The following CACNA1D variants were observed in gnomAD, a reference collection of about 807,000 sequenced individuals.
CACNA1D encodes the protein calcium voltage-gated channel subunit alpha1 D, also known as voltage-dependent L-type calcium channel subunit alpha-1D.
CACNA1D carries 55 observed loss-of-function variants against 257.1 expected under a neutral mutation model. That is an observed-to-expected ratio of 0.21 (90% confidence interval 0.17 to 0.27). The LOEUF is 0.27. Among genes scored for constraint, CACNA1D ranks in the 10% least tolerant of loss-of-function variants. The probability of loss-of-function intolerance (pLI) is 1.00; values close to 1 mark genes in which losing one functional copy is unlikely to be tolerated. For missense variants in CACNA1D, 1,876 were observed against 2,784.0 expected, an observed-to-expected ratio of 0.67 and a Z score of 7.34; for synonymous variants, 980 against 1,014.9, an observed-to-expected ratio of 0.97 and a Z score of 0.65.
In CACNA1D at chr3:53,723,388, T is replaced by G. The variant is rs554796029; in HGVS notation, c.1667-46T>G. The G allele has an allele frequency of 6.4e-6, 9 of 1,407,684 alleles. No individual in the cohort carries two copies. Among genetic ancestry groups the G allele is most frequent in the Middle Eastern group, 1.8e-4 (1 of 5,666 alleles). The allele number at this position is 1,407,684 out of a possible 1,614,324, so 87.2% of individuals were successfully genotyped here. A position where few individuals can be genotyped will look rare whatever the true frequency, so the allele number is the denominator to read the frequency against. On this transcript the variant is annotated intron_variant, in intron 12 of 47. Coordinates refer to ENST00000350061, the MANE Select transcript of CACNA1D (RefSeq NM_001128840.3). This position sits in a 1 kb window ranked among gnomAD's most constrained non-coding sequence, Gnocchi z 5.6. Reference sequence around the variant, plus strand: ...GTGTGAGGGGCACGAGCAGTCTGAGTGTCTTGCAGGAGACCCTGAGGATGG... The same window carrying G: ...GTGTGAGGGGCACGAGCAGTCTGAGGGTCTTGCAGGAGACCCTGAGGATGG...
At chr3:53,509,319 T>C (rs1031400741) in intron 3 of CACNA1D, among the ~76,000 whole-genome samples, 1 of 151,654 alleles carries the variant, frequency 6.6e-6, no homozygotes, top group Middle Eastern at 3.4e-3. Flanking sequence ...AAGAGAGAGC[T>C]CATGCTCATG....
At chr3:53,532,751 A>G (rs1320538772) in intron 3 of CACNA1D, among the ~76,000 whole-genome samples, 1 of 152,160 alleles carries the variant, frequency 6.6e-6, no homozygotes, top group Non-Finnish European at 1.5e-5. Flanking sequence ...TTGATGAGGT[A>G]GACACTTTTT....
chr3:53,729,573 G>A (rs753291816), intron 15 of CACNA1D, among the ~76,000 whole-genome samples: 2 of 152,214 alleles, frequency 1.3e-5, no homozygotes, highest in East Asian at 3.9e-4. Flanking sequence ...TAAGAAACAG[G>A]CATCTTCTGA....
chr3:53,746,844 G>A (rs376623943), intron 25 of CACNA1D, among the ~76,000 whole-genome samples: 30 of 152,250 alleles, frequency 2.0e-4, no homozygotes, highest in African/African-American at 6.3e-4. Flanking sequence ...CAATTCTTTC[G>A]GAAAGAAAAT....
Position 53,730,546 on chromosome 3 carries a change from A to G in CACNA1D, c.2326A>G (p.Lys776Glu). The G allele has an allele frequency of 6.2e-7, 1 of 1,612,466 alleles. No individual in the cohort carries two copies. The highest frequency in any genetic ancestry group is 1.7e-5 in the Admixed American group (1 of 60,026). ...AGAAGCGGAAGAAAAGGAGAGGAAAAAGATTGCCAGGTAACCCTATTTTCC... is the reference window on the plus strand; with the variant it reads ...AGAAGCGGAAGAAAAGGAGAGGAAAGAGATTGCCAGGTAACCCTATTTTCC... ...KEEAEEKERK[K>E]IARKESLENK... Residue 776 changes from lysine (K) to glutamate (E), a missense_variant, in exon 16 of 48, where the codon AAG becomes GAG. By Grantham distance (56) the Lys-to-Glu change is moderately conservative (BLOSUM62 1). Coordinates refer to ENST00000350061, the MANE Select transcript of CACNA1D (RefSeq NM_001128840.3).
chr3:53,705,703 A>G (rs2094681006), intron 9 of CACNA1D, among the ~76,000 whole-genome samples: 9 of 152,148 alleles, frequency 5.9e-5, no homozygotes. Flanking sequence ...TTGGCTGTGG[A>G]GGCCATGATG....
Position 53,811,379 on chromosome 3 carries a change from T to C in CACNA1D, c.6459T>C (p.Asp2153=). ...GGAGGGATGAGGAGGACCTGGCGGATGAAATGATATGCATCACCACCTTGT... is the reference window on the plus strand; with the variant it reads ...GGAGGGATGAGGAGGACCTGGCGGACGAAATGATATGCATCACCACCTTGT... ...DPGRDEEDLA[D]EMICITTL The change falls in exon 48 of 48, where the codon GAT becomes GAC. Residue 2153 remains aspartate (D), a synonymous_variant. Transcript: ENST00000350061. The surrounding 1 kb of genome is among the most constrained non-coding windows in gnomAD (Gnocchi z 4.2). 6.3e-7 allele frequency: 1 copy of C among 1,578,656 alleles called. No homozygotes were observed. The highest frequency in any genetic ancestry group is 8.6e-7 in the Non-Finnish European group (1 of 1,159,324).
intron 15 of CACNA1D, among the ~76,000 whole-genome samples, chr3:53,727,985 C>A (rs1308695156): frequency 6.6e-6 from 1 of 152,012 alleles, no homozygotes; most frequent in Non-Finnish European, 1.5e-5. Flanking sequence ...CCTTGTAGTC[C>A]CTTGACTCGG....
chr3:53,770,127 C>G, intron 31 of CACNA1D, 110 bp downstream of exon 31: 1 of 930,086 alleles, frequency 1.1e-6, no homozygotes, highest in Non-Finnish European at 1.8e-6. Context: ...CCTTCCAGAA[C>G]AGTGTCTGCA....
At chr3:53,625,927 C>T (rs1576142325) in intron 3 of CACNA1D, among the ~76,000 whole-genome samples, 1 of 152,138 alleles carries the variant, frequency 6.6e-6, no homozygotes, top group African/African-American at 2.4e-5. Context: ...TTTCTGCCTT[C>T]AGAGGAGGAG....
At chr3:53,799,672 C>T (rs904538171) in intron 40 of CACNA1D, among the ~76,000 whole-genome samples, 2 of 152,328 alleles carry the variant, frequency 1.3e-5, no homozygotes, top group African/African-American at 4.8e-5. Context: ...CAGTCTGCTC[C>T]GTCGTGGTCC....
At chr3:53,668,830 T>C (rs1011372513) in intron 7 of CACNA1D, among the ~76,000 whole-genome samples, 1 of 152,260 alleles carries the variant, frequency 6.6e-6, no homozygotes, top group African/African-American at 2.4e-5. Context: ...ACTTCATTTA[T>C]GGACCCTGGA....
chr3:53,587,739 A>G (rs1407003868), intron 3 of CACNA1D, among the ~76,000 whole-genome samples: 2 of 152,226 alleles, frequency 1.3e-5, no homozygotes, highest in African/African-American at 4.8e-5. Flanking sequence ...CTGAGCTTTA[A>G]GAGAGATATA....
At chr3:53,606,414 C>T (rs1295537647) in intron 3 of CACNA1D, among the ~76,000 whole-genome samples, 4 of 152,202 alleles carry the variant, frequency 2.6e-5, no homozygotes, top group South Asian at 4.1e-4. Flanking sequence ...ACATGAATTA[C>T]CTTCAATTAT....
At chr3:53,769,585 C>T (rs925778963) in intron 30 of CACNA1D, among the ~76,000 whole-genome samples, 3 of 152,200 alleles carry the variant, frequency 2.0e-5, no homozygotes, top group African/African-American at 4.8e-5. Flanking sequence ...TTCTGTTCCT[C>T]GGGGCTAGGA....
rs1553687790 is a variant in CACNA1D at position 53,801,178 on chromosome 3, G to A, written c.5161G>A (p.Ala1721Thr). 1 of 1,613,844 alleles carries A rather than the reference G, an allele frequency of 6.2e-7. No homozygotes were observed. Among genetic ancestry groups the A allele is most frequent in the East Asian group, 2.2e-5 (1 of 44,874 alleles). The change falls in exon 42 of 48, where the codon GCA becomes ACA. Residue 1721 changes from alanine to threonine, a missense_variant. Ala to Thr is a moderately conservative substitution (Grantham distance 58). Transcript: ENST00000350061. The part of the protein sequence containing the change: ...LHVQRPSIPP[A>T]SDTEKPLFPP... ...TGTCCAAAGGCCTTCAATTCCACCT[G>A]CAAGTGATACTGAGAAACCGCTGTT...
intron 8 of CACNA1D, chr3:53,674,154 G>A (rs779347052): frequency 4.6e-6 from 2 of 432,926 alleles, no homozygotes; most frequent in Non-Finnish European, 4.3e-6. Context: ...TTGTCATTTT[G>A]TGTCTATTAG....
chr3:53,503,202 T>A (rs1470711341), intron 3 of CACNA1D, among the ~76,000 whole-genome samples: 1 of 152,254 alleles, frequency 6.6e-6, no homozygotes, highest in East Asian at 1.9e-4. Flanking sequence ...TGGGAATTGA[T>A]GCTGAAAATA....
At chr3:53,732,448 GA>G (rs2095005239) in intron 18 of CACNA1D, among the ~76,000 whole-genome samples, 1 of 152,212 alleles carries the variant, frequency 6.6e-6, no homozygotes, top group African/African-American at 2.4e-5. Flanking sequence ...GATTGAGACT[GA>G]AAGTCCCACA....
Sources: gnomAD v4.1 joint callset for allele counts (sites outside exome capture counted in the v4.1 genomes callset) on GRCh38, gnomAD v4.1.1 for gene constraint, Gnocchi (gnomAD v3.1) non-coding constraint, MANE v1.5 for transcripts, NCBI Gene and HGNC (gene_info 2026-07-23, HGNC 2026-07-21) for gene names.